Variants in SH3BGR observed in about 807,000 individuals in gnomAD.
SH3BGR encodes SH3 domain binding glutamate rich protein, also known as SH3 domain-binding glutamic acid-rich protein.
In SH3BGR, 29 loss-of-function variants were observed where a neutral mutation model predicts 24.5. The observed-to-expected ratio is 1.18, with a 90% CI of 0.88 to 1.61. SH3BGR has a LOEUF of 1.61. SH3BGR is among the 40% of genes most tolerant of loss of function. SH3BGR has a pLI of 0.00. For missense variants in SH3BGR, 162 were observed against 205.8 expected (o/e 0.79, Z 1.30); for synonymous variants, 55 against 65.7 (o/e 0.84, Z 0.79).
At position 39,462,363 on chromosome 21, in the gene SH3BGR, A is replaced by G; in HGVS notation, c.46-12A>G. 1 of 1,584,122 alleles carries G rather than the reference A, an allele frequency of 6.3e-7. No individual in the cohort carries two copies. The highest frequency in any genetic ancestry group is 1.2e-5 in the South Asian group (1 of 85,236). On this transcript the variant is annotated splice_polypyrimidine_tract_variant and intron_variant, in intron 1 of 6. Coordinates refer to ENST00000333634, the MANE Select transcript of SH3BGR (RefSeq NM_007341.3). ...TTCATAAACAGCCTAATATTTCTCT[A>G]CTCTTGACCAGATTAGGAAGAAACA...
At chr21:39,463,727 A>G (rs1027516225) in intron 2 of SH3BGR, among the ~76,000 whole-genome samples, 5 of 152,252 alleles carry the variant, frequency 3.3e-5, no homozygotes, top group African/African-American at 1.2e-4. Context: ...AGATTTGAAT[A>G]GATGCAGCAG....
At chr21:39,509,110 C>A in intron 5 of SH3BGR, 83 bp downstream of exon 5, 1 of 1,123,966 alleles carries the variant, frequency 8.9e-7, no homozygotes, top group Admixed American at 2.0e-5. Flanking sequence ...GCTTGAGGCA[C>A]GTTCTTAATA....
chr21:39,468,889 T>A (rs143826302), intron 2 of SH3BGR, among the ~76,000 whole-genome samples: 1 of 152,224 alleles, frequency 6.6e-6, no homozygotes, highest in Admixed American at 6.5e-5. Flanking sequence ...GGAAGCTTGC[T>A]AGGCTTGGGT....
chr21:39,469,239 ATTC>A (rs2077896430), intron 2 of SH3BGR, among the ~76,000 whole-genome samples: 1 of 149,396 alleles, frequency 6.7e-6, no homozygotes, highest in Non-Finnish European at 1.5e-5. Context: ...TAAATAAGAT[ATTC>A]TTAAGACCTG....
chr21:39,449,687 G>C (rs1416561163), upstream of SH3BGR, among the ~76,000 whole-genome samples: 3 of 152,160 alleles, frequency 2.0e-5, no homozygotes, highest in South Asian at 2.1e-4. Context: ...GGAATTTGAG[G>C]GTAGCATCTC....
chr21:39,510,909 CTATATATATATATATATATA>C (rs61692072), intron 5 of SH3BGR, among the ~76,000 whole-genome samples: 24 of 65,864 alleles, frequency 3.6e-4, no homozygotes, highest in South Asian at 2.2e-3. Flanking sequence ...ATTCTTCTAA[CTATATATATATATATATATA>C]TATATATATA....
intron 3 of SH3BGR, among the ~76,000 whole-genome samples, chr21:39,493,233 G>A (rs2078334605): frequency 6.6e-6 from 1 of 152,270 alleles, no homozygotes; most frequent in Non-Finnish European, 1.5e-5. Flanking sequence ...TTATCTTCTA[G>A]AATTTTTATA....
chr21:39,493,738 C>T (rs1477361351), intron 3 of SH3BGR, among the ~76,000 whole-genome samples: 2 of 152,114 alleles, frequency 1.3e-5, no homozygotes, highest in African/African-American at 2.4e-5. Flanking sequence ...TGATTCTACC[C>T]ATTCATGAGC....
intron 4 of SH3BGR, among the ~76,000 whole-genome samples, chr21:39,502,849 G>A (rs1281262372): frequency 2.0e-5 from 3 of 152,216 alleles, no homozygotes; most frequent in Non-Finnish European, 4.4e-5. Flanking sequence ...CCTGTACAGA[G>A]TGCCTTGTGT....
chr21:39,485,670 G>GACTTAGTTTTTT (rs2078198637), intron 3 of SH3BGR, among the ~76,000 whole-genome samples: 1 of 150,398 alleles, frequency 6.6e-6, no homozygotes, highest in Non-Finnish European at 1.5e-5. Flanking sequence ...CACGGATATG[G>GACTTAGTTTTTT]TCTCAAAGTT....
upstream of SH3BGR, among the ~76,000 whole-genome samples, chr21:39,447,416 C>CATTTTTTTTT (rs1227234170): frequency 8.7e-6 from 1 of 114,710 alleles, no homozygotes. Context: ...TTCGCTTTTG[C>CATTTTTTTTT]TTTTTTTTTT....
chr21:39,503,421 A>AAG (rs1208036402), intron 4 of SH3BGR, among the ~76,000 whole-genome samples: 32 of 152,206 alleles, frequency 2.1e-4, no homozygotes, highest in Admixed American at 7.8e-4. Flanking sequence ...TTTTTTTTAA[A>AAG]AAAACCTGCC....
intron 3 of SH3BGR, among the ~76,000 whole-genome samples, chr21:39,480,491 A>C (rs2078112958): frequency 6.6e-6 from 1 of 152,184 alleles, no homozygotes; most frequent in Non-Finnish European, 1.5e-5. Flanking sequence ...TCATGTTGTC[A>C]AGGCTTGTCT....
At chr21:39,464,243 A>C (rs113756889) in intron 2 of SH3BGR, among the ~76,000 whole-genome samples, 1 of 151,766 alleles carries the variant, frequency 6.6e-6, no homozygotes. Context: ...TTTTTTTGAG[A>C]TGGAGTTTCT....
chr21:39,508,862 CTTATT>C, intron 4 of SH3BGR, 131 bp from the exon 5 acceptor site: 1 of 584,526 alleles, frequency 1.7e-6, no homozygotes, highest in South Asian at 2.7e-5. Flanking sequence ...TTGCTATTTA[CTTATT>C]TTATGGATAA....
At chr21:39,483,845 C>T (rs2078168361) in intron 3 of SH3BGR, among the ~76,000 whole-genome samples, 1 of 152,080 alleles carries the variant, frequency 6.6e-6, no homozygotes, top group South Asian at 2.1e-4. Flanking sequence ...AATCTCAGGC[C>T]TTATATTAAG....
chr21:39,501,498 A>C (rs2078493382), intron 4 of SH3BGR, among the ~76,000 whole-genome samples: 1 of 152,236 alleles, frequency 6.6e-6, no homozygotes, highest in Non-Finnish European at 1.5e-5. Flanking sequence ...TGTGTGGGCT[A>C]TGGTGAAGAA....
chr21:39,490,621 A>G (rs977962416), intron 3 of SH3BGR, among the ~76,000 whole-genome samples: 1 of 152,062 alleles, frequency 6.6e-6, no homozygotes, highest in Non-Finnish European at 1.5e-5. Flanking sequence ...AAGCTACTCT[A>G]GATTTCTTAT....
At chr21:39,514,306 A>G (rs1464834934) in intron 6 of SH3BGR, among the ~76,000 whole-genome samples, 1 of 152,194 alleles carries the variant, frequency 6.6e-6, no homozygotes, top group Non-Finnish European at 1.5e-5. Context: ...TGGAACTATG[A>G]AAGAATTCTC....
Sources: allele counts gnomAD v4.1 joint callset (sites outside exome capture counted in the v4.1 genomes callset), GRCh38; gene constraint gnomAD v4.1.1; transcripts MANE v1.5; gene names NCBI Gene and HGNC (gene_info 2026-07-23, HGNC 2026-07-21).